The following COL6A5 variants were observed in gnomAD, a reference collection of about 807,000 sequenced individuals.
The protein encoded by COL6A5 is collagen alpha-5(VI) chain.
A neutral mutation model predicts 65.6 loss-of-function variants in COL6A5; 48 were observed. The ratio of observed to expected loss-of-function variants is 0.73; its 90% CI spans 0.58 to 0.93. The LOEUF is 0.93. Among genes scored for constraint, COL6A5 ranks in the 40% least tolerant of loss-of-function variants. The pLI, the probability that COL6A5 is intolerant of heterozygous loss-of-function variation, is 0.00. For synonymous variants in COL6A5, 291 were observed against 322.8 expected (o/e 0.90, Z 1.05); for missense variants, 914 against 928.3 (o/e 0.98, Z 0.20).
At chr3:130,355,672 G>A (rs1934897633) in intron 1 of COL6A5, among the ~76,000 whole-genome samples, 1 of 151,168 alleles carries the variant, frequency 6.6e-6, no homozygotes, top group South Asian at 2.1e-4. Context: ...TTAATGAAAG[G>A]GAAATAGAAA....
chr3:130,376,804 A>T, exon 3 of COL6A5: 1 of 1,613,340 alleles, frequency 6.2e-7, no homozygotes, highest in Non-Finnish European at 8.5e-7. Flanking sequence ...GTAACCAAGT[A>T]TAAGGAGGGA....
At chr3:130,433,382 C>T (rs929804921) in intron 1 of COL6A5, among the ~76,000 whole-genome samples, 1 of 152,154 alleles carries the variant, frequency 6.6e-6, no homozygotes, top group East Asian at 1.9e-4. Context: ...GAAAGAGTCT[C>T]CAGTCATTCT....
chr3:130,371,063 A>G (rs1416540787), intron 1 of COL6A5, among the ~76,000 whole-genome samples: 1 of 152,186 alleles, frequency 6.6e-6, no homozygotes, highest in East Asian at 1.9e-4. Flanking sequence ...CTGAACATTT[A>G]CTGGCTTCTG....
chr3:130,346,728 T>C (rs1256105525), intron 1 of COL6A5, among the ~76,000 whole-genome samples: 3 of 152,234 alleles, frequency 2.0e-5, no homozygotes, highest in Non-Finnish European at 4.4e-5. Context: ...GTTGATGTAG[T>C]GCTTCATACA....
exon 1 of COL6A5, chr3:130,431,809 A>G: frequency 6.4e-7 from 1 of 1,551,596 alleles, no homozygotes; most frequent in South Asian, 1.2e-5. Context: ...AGCCAACGTG[A>G]GGAGAGTTGC....
Position 130,431,660 on chromosome 3 carries a change from G to T in COL6A5, c.200G>T (p.Arg67Leu), listed in dbSNP as rs766214831. Residue 67 changes from arginine (R) to leucine (L), a missense_variant, in exon 1 of 8, where the codon CGC becomes CTC. Transcript: ENST00000512836. Reference sequence around the variant, plus strand: ...AACTCAGGCACCAGCTATCTCATCCGCTGGTCTGACTACAATAGGAAGAAG... The same window carrying T: ...AACTCAGGCACCAGCTATCTCATCCTCTGGTCTGACTACAATAGGAAGAAG... 3.9e-6 allele frequency: 6 copies of T among 1,551,422 alleles called. No individual in the cohort carries two copies. Among genetic ancestry groups the T allele is most frequent in the East Asian group, 2.4e-5 (1 of 40,918 alleles).
chr3:130,482,432 G>A (rs992818510), intron 7 of COL6A5, among the ~76,000 whole-genome samples: 1 of 152,194 alleles, frequency 6.6e-6, no homozygotes, highest in Non-Finnish European at 1.5e-5. Context: ...ATACCATGCT[G>A]TTTTGGTTAC....
chr3:130,362,289 C>CATATATATATATAT (rs1184871633), intron 1 of COL6A5, among the ~76,000 whole-genome samples: 20 of 12,528 alleles, frequency 1.6e-3, no homozygotes, highest in Admixed American at 4.0e-3. Flanking sequence ...TGTCTTTCTC[C>CATATATATATATAT]ATATATATAT....
intron 8 of COL6A5, among the ~76,000 whole-genome samples, chr3:130,397,230 C>T (rs1936633516): frequency 6.6e-6 from 1 of 152,134 alleles, no homozygotes; most frequent in Non-Finnish European, 1.5e-5. Context: ...TGCACGCCCA[C>T]ATGCATGCGC....
At chr3:130,398,639 A>T (rs1192005004) in intron 10 of COL6A5, among the ~76,000 whole-genome samples, 1 of 152,056 alleles carries the variant, frequency 6.6e-6, no homozygotes, top group Non-Finnish European at 1.5e-5. Flanking sequence ...CTATATAGAC[A>T]TGTGTCCTTG....
chr3:130,386,188 C>A (rs1936180392), intron 5 of COL6A5, among the ~76,000 whole-genome samples: 1 of 152,036 alleles, frequency 6.6e-6, no homozygotes, highest in Non-Finnish European at 1.5e-5. Flanking sequence ...ATGCTAGAGT[C>A]AGAGTCAAGG....
chr3:130,449,205 G>T lies in COL6A5; in HGVS notation c.1332+5639G>T, dbSNP rs115026884. Among the ~76,000 whole-genome samples the T allele has an allele frequency of 8.1e-4, 124 of 152,258 alleles. 1 individual carries two copies. The Middle Eastern group carries it at 0.01, about 13-fold the overall frequency. ...TTGTAAAGGGATAGGATTCGGAGGCGTGGCAGCGGCCGCCACTAAAAAGGA... is the reference window on the plus strand; with the variant it reads ...TTGTAAAGGGATAGGATTCGGAGGCTTGGCAGCGGCCGCCACTAAAAAGGA... On this transcript the variant is annotated intron_variant, in intron 4 of 7. Transcript: ENST00000512836.
intron 5 of COL6A5, among the ~76,000 whole-genome samples, chr3:130,464,839 C>T (rs565361002): frequency 6.6e-6 from 1 of 152,132 alleles, no homozygotes; most frequent in Non-Finnish European, 1.5e-5. Context: ...TGGTCAATTA[C>T]TATAAATGTA....
At chr3:130,426,070 C>T (rs1355257516) in intron 29 of COL6A5, 144 bp from the exon 30 acceptor site, 4 of 726,000 alleles carry the variant, frequency 5.5e-6, no homozygotes, top group African/African-American at 5.4e-5. Context: ...GGCAATTAAT[C>T]CACTGGGTTC....
In COL6A5 at chr3:130,406,117, T is replaced by C. The variant is rs145114766; in HGVS notation, c.4381-14T>C. The C allele has an allele frequency of 3.2e-4, 496 of 1,549,202 alleles. No homozygotes were observed. The highest frequency in any genetic ancestry group is 4.1e-4 in the Non-Finnish European group (467 of 1,144,640). ...CCTGCTTTTACCTGATGCCTGTCTA[T>C]TGTCATCTCTCAGGGAGGTCATGGA... On this transcript the variant is annotated splice_polypyrimidine_tract_variant and intron_variant and NMD_transcript_variant, in intron 15 of 41. Coordinates refer to the COL6A5 transcript ENST00000312481.
intron 8 of COL6A5, among the ~76,000 whole-genome samples, chr3:130,395,726 G>T (rs1050983183): frequency 6.6e-6 from 1 of 152,174 alleles, no homozygotes; most frequent in Non-Finnish European, 1.5e-5. Context: ...GTTCCCTCAC[G>T]GCAATCCAGT....
intron 1 of COL6A5, among the ~76,000 whole-genome samples, chr3:130,433,187 T>C (rs916263288): frequency 2.0e-5 from 3 of 152,180 alleles, no homozygotes; most frequent in Non-Finnish European, 4.4e-5. Context: ...GTCAAAGTCC[T>C]GTGGTTTTCA....
intron 10 of COL6A5, 61 bp downstream of exon 10, chr3:130,398,172 C>CCAGGTTG (rs1360462207): frequency 8.5e-7 from 1 of 1,181,774 alleles, no homozygotes; most frequent in East Asian, 2.6e-5. Flanking sequence ...AGTCTGTCAC[C>CCAGGTTG]CAGGTTGGAG....
chr3:130,472,832 C>CATATATAT (rs10654631), intron 7 of COL6A5, among the ~76,000 whole-genome samples: 10,145 of 99,150 alleles, frequency 0.1, 718 homozygotes, highest in Non-Finnish European at 0.13. Flanking sequence ...TGTGTGTATA[C>CATATATAT]ATATATATAT....
Sources: allele counts gnomAD v4.1 joint callset (sites outside exome capture counted in the v4.1 genomes callset), GRCh38; gene constraint gnomAD v4.1.1; transcripts MANE v1.5; gene names NCBI Gene and HGNC (gene_info 2026-07-23, HGNC 2026-07-21).